Variants in NKX2-2 observed in about 807,000 individuals in gnomAD.
The protein encoded by NKX2-2 is NK2 homeobox 2.
NKX2-2 carries 8 observed loss-of-function variants against 24.6 expected under a neutral mutation model. That is an observed-to-expected ratio of 0.32 (90% CI 0.19 to 0.59). The LOEUF (loss-of-function observed/expected upper bound fraction) is 0.59, where lower values mean the gene tolerates loss of function less well. NKX2-2 is among the 20% of genes least tolerant of loss of function. The pLI, the probability that NKX2-2 is intolerant of heterozygous loss-of-function variation, is 0.86. For missense variants in NKX2-2, 381 were observed against 373.9 expected, an observed-to-expected ratio of 1.02 and a Z score of -0.16; for synonymous variants, 217 against 173.3, an observed-to-expected ratio of 1.25 and a Z score of -1.98.
chr20:21,513,228 A>C lies in NKX2-2; in HGVS notation c.259+183T>G, dbSNP rs1481191195. 6.6e-6 allele frequency among the ~76,000 whole-genome samples: 1 copy of C among 152,218 alleles called. No individual in the cohort carries two copies. Among genetic ancestry groups the C allele is most frequent in the Non-Finnish European group, 1.5e-5 (1 of 68,040 alleles). ...GGAGACCAAGTTCTTTCCCGGAACTAAGGAGGCTTGAAGAGGAGGGCAGAG... is the reference window on the plus strand; with the variant it reads ...GGAGACCAAGTTCTTTCCCGGAACTCAGGAGGCTTGAAGAGGAGGGCAGAG... On this transcript the variant is annotated intron_variant, in intron 1 of 1. Transcript: ENST00000377142. This position sits in a 1 kb window ranked among gnomAD's most constrained non-coding sequence, Gnocchi z 4.6.
rs770588224 is a variant in NKX2-2, at chr20:21,512,489, G to C, written c.260-4C>G. On this transcript the variant is annotated splice_region_variant and splice_polypyrimidine_tract_variant and intron_variant, in intron 1 of 1. Transcript: ENST00000377142. Reference sequence around the variant, plus strand: ...GCCCCGGCAGCCAGACCGTGCACTGGGGGGAGGGGGAGAGAGAAGCGCGTC... The same window carrying C: ...GCCCCGGCAGCCAGACCGTGCACTGCGGGGAGGGGGAGAGAGAAGCGCGTC... The C allele has an allele frequency of 2.3e-5, 36 of 1,547,336 alleles. No individual in the cohort carries two copies. The African/African-American group carries it at 2.6e-4, about 11-fold the overall frequency.
At chr20:21,516,617 C>T (rs1413135037), upstream of NKX2-2, among the ~76,000 whole-genome samples, 2 of 152,108 alleles carry the variant, frequency 1.3e-5, no homozygotes, top group Non-Finnish European at 2.9e-5. Flanking sequence ...TTCCTCAACC[C>T]AAGCGTTGCA....
chr20:21,519,416 C>A, the NKX2-2 span, among the ~76,000 whole-genome samples: 1 of 152,178 alleles, frequency 6.6e-6, no homozygotes, highest in East Asian at 1.9e-4. Context: ...CAAGGATTAA[C>A]GGCGCGGACA....
upstream of NKX2-2, among the ~76,000 whole-genome samples, chr20:21,516,738 G>A (rs1440507964): frequency 6.6e-6 from 1 of 152,122 alleles, no homozygotes; most frequent in Non-Finnish European, 1.5e-5. Context: ...GGATCTGGTT[G>A]GGCCAGGCAA....
the NKX2-2 span, among the ~76,000 whole-genome samples, chr20:21,522,439 C>T: frequency 6.6e-6 from 1 of 152,124 alleles, no homozygotes; most frequent in Non-Finnish European, 1.5e-5. Flanking sequence ...CGCCTGGCAG[C>T]GAGGGCGACG....
chr20:21,512,576 A>G (rs1980481022), intron 1 of NKX2-2, 91 bp from the exon 2 acceptor site: 4 of 1,000,110 alleles, frequency 4.0e-6, no homozygotes, highest in Non-Finnish European at 4.3e-6. Context: ...CCTCCGTGCG[A>G]CCCTGGACCT....
chr20:21,512,141 G>T lies in NKX2-2; in HGVS notation c.604C>A (p.Arg202=), dbSNP rs747143586. 2.5e-6 allele frequency: 4 copies of T among 1,613,700 alleles called. No homozygotes were observed. The highest frequency in any genetic ancestry group is 3.4e-6 in the Non-Finnish European group (4 of 1,179,878). Residue 202 remains arginine, a synonymous_variant, in exon 2 of 2, where the codon CGG becomes AGG. Transcript: ENST00000377142. ...CTGACCAAGACGGGCACGGCCACCCGGCGCGGCGAGGGCAGGGGCGTCACC... is the reference window on the plus strand; with the variant it reads ...CTGACCAAGACGGGCACGGCCACCCTGCGCGGCGAGGGCAGGGGCGTCACC... The part of the protein sequence containing the change: ...MEVTPLPSPR[R]VAVPVLVRDG...
chr20:21,518,194 G>C (rs1600263456), upstream of NKX2-2, among the ~76,000 whole-genome samples: 1 of 152,234 alleles, frequency 6.6e-6, no homozygotes, highest in East Asian at 1.9e-4. Context: ...GCATGCCCCG[G>C]GCCGGAGGAG....
Position 21,513,527 on chromosome 20 carries a change from A to C in NKX2-2, c.143T>G (p.Leu48Arg). 6.2e-7 allele frequency: 1 copy of C among 1,613,254 alleles called. No individual in the cohort carries two copies. The highest frequency in any genetic ancestry group is 8.5e-7 in the Non-Finnish European group (1 of 1,179,640). ...CACCGCGTCCAGGGCGCCCTGCCCC[A>C]GCGGCCCGGCCCTCTTGGCTGGCTC... ...GPEPAKRAGP[L>R]GQGALDAVQS... Residue 48 changes from leucine (L) to arginine (R), a missense_variant, in exon 1 of 2, where the codon CTG becomes CGG. By Grantham distance (102) the Leu-to-Arg change is moderately radical. This residue lies in a region of NKX2-2 where 206 missense variants were observed against 173.1 expected (regional missense o/e 1.19). Coordinates refer to ENST00000377142, the MANE Select transcript of NKX2-2 (RefSeq NM_002509.4). This position sits in a 1 kb window ranked among gnomAD's most constrained non-coding sequence, Gnocchi z 4.6.
upstream of NKX2-2, among the ~76,000 whole-genome samples, chr20:21,516,756 G>A (rs904709906): frequency 6.6e-6 from 1 of 152,100 alleles, no homozygotes; most frequent in Non-Finnish European, 1.5e-5. Context: ...CAAATTCTTG[G>A]GTCAGGTGGC....
the NKX2-2 span, among the ~76,000 whole-genome samples, chr20:21,520,061 G>A: frequency 6.6e-6 from 1 of 152,072 alleles, no homozygotes; most frequent in Non-Finnish European, 1.5e-5. Flanking sequence ...CCCAGGAAGG[G>A]AAGAATGAGT....
chr20:21,513,749 G>C lies in NKX2-2; in HGVS notation c.-80C>G. 8.5e-7 allele frequency: 1 copy of C among 1,175,690 alleles called. No individual in the cohort carries two copies. The highest frequency in any genetic ancestry group is 1.1e-6 in the Non-Finnish European group (1 of 874,124). 72.8% of individuals were successfully genotyped at this position (1,175,690 alleles called of 1,614,324 possible). On this transcript the variant is annotated 5_prime_UTR_variant, in exon 1 of 2. Coordinates refer to ENST00000377142, the MANE Select transcript of NKX2-2 (RefSeq NM_002509.4). The surrounding 1 kb of genome is among the most constrained non-coding windows in gnomAD (Gnocchi z 4.6). ...GTGGCGCTCCCCTGCCCCGGCGGGC[G>C]GGGGAGGGGGGAGTTGGGGGGAGGG...
rs747642629 is a variant in NKX2-2, at chr20:21,512,292, C to G, written c.453G>C (p.Arg151=). Residue 151 remains arginine (R), a synonymous_variant, in exon 2 of 2, where the codon CGG becomes CGC. Transcript: ENST00000377142. ...GTTCGCGCTCGGGCGCCGACAGGTA[C>G]CGCTGCTGCCGAAAGCGCCGCTCCA... ...YELERRFRQQ[R]YLSAPEREHL... is the part of the protein sequence containing the mutation. 2 of 1,613,502 alleles carry G rather than the reference C, an allele frequency of 1.2e-6. No homozygotes were observed. Among genetic ancestry groups the G allele is most frequent in the Non-Finnish European group, 8.5e-7 (1 of 1,179,906 alleles).
In NKX2-2 at chr20:21,513,535, G is replaced by T. The variant is rs529001042; in HGVS notation, c.135C>A (p.Ala45=). ...ENEGPEPAKR[A]GPLGQGALDA... is the part of the protein sequence containing the mutation. Reference sequence around the variant, plus strand: ...CCAGGGCGCCCTGCCCCAGCGGCCCGGCCCTCTTGGCTGGCTCGGGCCCCT... The same window carrying T: ...CCAGGGCGCCCTGCCCCAGCGGCCCTGCCCTCTTGGCTGGCTCGGGCCCCT... Residue 45 remains alanine, a synonymous_variant, in exon 1 of 2, where the codon GCC becomes GCA. Coordinates refer to ENST00000377142, the MANE Select transcript of NKX2-2 (RefSeq NM_002509.4). The surrounding 1 kb of genome is among the most constrained non-coding windows in gnomAD (Gnocchi z 4.6). The T allele has an allele frequency of 1.2e-6, 2 of 1,613,332 alleles. No individual in the cohort carries two copies. The highest frequency in any genetic ancestry group is 2.7e-5 in the African/African-American group (2 of 75,026).
upstream of NKX2-2, among the ~76,000 whole-genome samples, chr20:21,518,378 ACGCC>A (rs775217279): frequency 3.9e-5 from 6 of 152,080 alleles, no homozygotes; most frequent in Non-Finnish European, 8.8e-5. Flanking sequence ...TGGGAGTCCT[ACGCC>A]CGGGGGAAAG....
upstream of NKX2-2, among the ~76,000 whole-genome samples, chr20:21,518,488 G>A (rs1980695443): frequency 6.6e-6 from 1 of 152,220 alleles, no homozygotes; most frequent in Non-Finnish European, 1.5e-5. Context: ...TTGAGTTCGG[G>A]TTCAGGCGGC....
At chr20:21,518,292 TTATCAGCA>T (rs552100769), upstream of NKX2-2, among the ~76,000 whole-genome samples, 232 of 152,276 alleles carry the variant, frequency 1.5e-3, 1 homozygote, top group Admixed American at 4.8e-3. Context: ...TCGATCTTTA[TTATCAGCA>T]TTGGGGCTCC....
upstream of NKX2-2, among the ~76,000 whole-genome samples, chr20:21,514,580 G>A (rs1015110791): frequency 2.0e-5 from 3 of 152,174 alleles, no homozygotes; most frequent in African/African-American, 7.2e-5. Flanking sequence ...ACATTCACCG[G>A]TTCCTACCTC....
intron 1 of NKX2-2, 74 bp from the exon 2 acceptor site, chr20:21,512,559 C>T: frequency 8.6e-7 from 1 of 1,164,382 alleles, no homozygotes; most frequent in Non-Finnish European, 1.2e-6. Context: ...CTCGGAGCAC[C>T]CTGGATCCTC....
Sources: allele counts gnomAD v4.1 joint callset (sites outside exome capture counted in the v4.1 genomes callset), GRCh38; gene constraint gnomAD v4.1.1; regional missense constraint gnomAD v4.1.1; non-coding constraint Gnocchi (gnomAD v3.1); transcripts MANE v1.5; gene names NCBI Gene and HGNC (gene_info 2026-07-23, HGNC 2026-07-21).